CCDC63: variants seen among roughly 807,000 people sequenced by gnomAD.
The protein encoded by CCDC63 is coiled-coil domain-containing protein 63.
A neutral mutation model predicts 63.6 loss-of-function variants in CCDC63; 54 were observed. The observed-to-expected ratio is 0.85, with a 90% CI of 0.68 to 1.07. The LOEUF is 1.07. Ranked by LOEUF, CCDC63 falls within the 50% of genes least tolerant of loss-of-function variation. CCDC63 has a pLI of 0.00. For missense variants in CCDC63, 637 were observed against 689.6 expected (o/e 0.92, Z 0.86); for synonymous variants, 253 against 266.1 (o/e 0.95, Z 0.48).
intron 4 of CCDC63, among the ~76,000 whole-genome samples, chr12:110,868,731 GAGGGA>G (rs1566123160): frequency 7.1e-5 from 8 of 113,392 alleles, no homozygotes; most frequent in African/African-American, 1.4e-4. Context: ...GAGGGAGAGG[GAGGGA>G]GAGGGAGAGG....
rs939730258 is a variant in CCDC63, at chr12:110,881,298, T to C, written c.853+2T>C. ...AGGAGCAGGCCAAAAGGGAGGAAGG[T>C]ACACCCTCCAGGAGCAAGCTTGTGC... On this transcript the variant is annotated splice_donor_variant, in intron 7 of 11. Transcript: ENST00000308208. LOFTEE classifies it high-confidence loss of function. The C allele has an allele frequency of 3.7e-6, 6 of 1,612,618 alleles. No homozygotes were observed. Among genetic ancestry groups the C allele is most frequent in the Non-Finnish European group, 5.1e-6 (6 of 1,179,364 alleles).
At chr12:110,863,550 T>C (rs1460685692) in intron 4 of CCDC63, among the ~76,000 whole-genome samples, 1 of 151,916 alleles carries the variant, frequency 6.6e-6, no homozygotes, top group African/African-American at 2.4e-5. Flanking sequence ...GATTTTTTTT[T>C]TTTTTTTTGA....
At position 110,889,717 on chromosome 12, in the gene CCDC63, C is replaced by T. The variant is rs1044379128; in HGVS notation, c.1075-3359C>T. ...TCTCCGAGCAGGGGAGCGGTGCCAT[C>T]GACTCAGGTTATTGATGCAATTTGC... On this transcript the variant is annotated intron_variant, in intron 8 of 11. Coordinates refer to ENST00000308208, the MANE Select transcript of CCDC63 (RefSeq NM_152591.3). The surrounding 1 kb of genome is among the most constrained non-coding windows in gnomAD (Gnocchi z 4.1). Among the ~76,000 whole-genome samples, 1 of 152,084 alleles carries T rather than the reference C, an allele frequency of 6.6e-6. No individual in the cohort carries two copies. Among genetic ancestry groups the T allele is most frequent in the African/African-American group, 2.4e-5 (1 of 41,412 alleles).
At position 110,875,158 on chromosome 12, in the gene CCDC63, T is replaced by C. The variant is rs149889674; in HGVS notation, c.489+1197T>C. ...GCTGCTGAAGGACTGGGCAGTGTCT[T>C]TTTAATATCCATGCCCAGTGATTTG... On this transcript the variant is annotated intron_variant, in intron 5 of 11. Transcript: ENST00000308208. Among the ~76,000 whole-genome samples, 227 of 152,294 alleles carry C rather than the reference T, an allele frequency of 1.5e-3. 1 individual carries two copies. The highest frequency in any genetic ancestry group is 0.01 in the Middle Eastern group (3 of 294).
chr12:110,891,955 C>T (rs1313371687), intron 8 of CCDC63, among the ~76,000 whole-genome samples: 1 of 152,158 alleles, frequency 6.6e-6, no homozygotes, highest in East Asian at 1.9e-4. Flanking sequence ...AAGGTGTGAG[C>T]TTTTTTCTAT....
chr12:110,859,385 C>T (rs567833806), intron 4 of CCDC63, among the ~76,000 whole-genome samples: 248 of 152,080 alleles, frequency 1.6e-3, no homozygotes, highest in African/African-American at 5.3e-3. Context: ...TGGCTCACTG[C>T]AACCTCTGCT....
At chr12:110,859,332 A>C (rs1378874517) in intron 4 of CCDC63, among the ~76,000 whole-genome samples, 1 of 150,954 alleles carries the variant, frequency 6.6e-6, no homozygotes, top group African/African-American at 2.4e-5. Context: ...TTTTTGAAAG[A>C]GTCTTGCTCT....
intron 4 of CCDC63, among the ~76,000 whole-genome samples, chr12:110,867,486 G>A (rs1442964150): frequency 4.4e-5 from 4 of 90,680 alleles, no homozygotes; most frequent in Admixed American, 1.1e-4. Context: ...GGGCAGAGGC[G>A]CCCCTCACCT....
intron 4 of CCDC63, among the ~76,000 whole-genome samples, chr12:110,859,146 G>T (rs530841701): frequency 6.6e-6 from 1 of 152,256 alleles, no homozygotes; most frequent in South Asian, 2.1e-4. Flanking sequence ...TTGATGACAC[G>T]TAACTGTTGT....
At chr12:110,880,114 G>A in intron 6 of CCDC63, 27 bp downstream of exon 6, 1 of 1,605,796 alleles carries the variant, frequency 6.2e-7, no homozygotes, top group Admixed American at 1.7e-5. Context: ...TCCAGGGGCA[G>A]CGAGGTCTCT....
At chr12:110,852,186 G>A (rs1165535390) in intron 1 of CCDC63, among the ~76,000 whole-genome samples, 2 of 152,096 alleles carry the variant, frequency 1.3e-5, no homozygotes, top group Non-Finnish European at 2.9e-5. Context: ...TGGGAGGGTG[G>A]GGATTCCCTG....
chr12:110,849,786 A>T (rs1273234733), intron 1 of CCDC63, among the ~76,000 whole-genome samples: 1 of 152,168 alleles, frequency 6.6e-6, no homozygotes, highest in Non-Finnish European at 1.5e-5. Flanking sequence ...GGCATGAGCC[A>T]CTGCGCCCGG....
rs145065482 is a variant in CCDC63, at chr12:110,850,414, C to G, written c.-96-2445C>G. 1.2e-3 allele frequency among the ~76,000 whole-genome samples: 180 copies of G among 152,342 alleles called. 2 individuals are homozygous for G. Among genetic ancestry groups the G allele is most frequent in the African/African-American group, 4.1e-3 (171 of 41,574 alleles). ...ACTGTTGGGGAGGCAATGAACTGAT[C>G]TCTTCCAGGCTGATCTATCTCATCC... On this transcript the variant is annotated intron_variant, in intron 1 of 11. Coordinates refer to ENST00000308208, the MANE Select transcript of CCDC63 (RefSeq NM_152591.3).
upstream of CCDC63, among the ~76,000 whole-genome samples, chr12:110,846,258 C>A (rs1041872047): frequency 6.6e-6 from 1 of 152,116 alleles, no homozygotes; most frequent in Non-Finnish European, 1.5e-5. Flanking sequence ...AAACAGGTAC[C>A]CCCAATAATT....
chr12:110,871,421 G>A lies in CCDC63; in HGVS notation c.370-2421G>A, dbSNP rs1274644959. 3.3e-5 allele frequency among the ~76,000 whole-genome samples: 5 copies of A among 152,248 alleles called. No individual in the cohort carries two copies. The South Asian group carries it at 8.3e-4, about 25-fold the overall frequency. The stretch of plus-strand genomic sequence containing the variant: ...CTCCCAAAGTGCTGGGATTACAGGC[G>A]TGAGCCACTGCGCCCAGCCAGGACA... On this transcript the variant is annotated intron_variant, in intron 4 of 11. Transcript: ENST00000308208.
rs533615169 is a variant in CCDC63, at chr12:110,848,047, C to A, written c.-97+942C>A. On this transcript the variant is annotated intron_variant, in intron 1 of 11. Coordinates refer to ENST00000308208, the MANE Select transcript of CCDC63 (RefSeq NM_152591.3). ...TGACCTGGGCTGCTGGGCTTCTCTG[C>A]ACTTTTCCTCGCACACGCTGTTCCC... is the stretch of plus-strand genomic sequence containing the variant. 2.6e-5 allele frequency among the ~76,000 whole-genome samples: 4 copies of A among 152,366 alleles called. No homozygotes were observed. The East Asian group carries it at 7.7e-4, about 29-fold the overall frequency.
At chr12:110,865,475 A>G (rs1196556845) in intron 4 of CCDC63, among the ~76,000 whole-genome samples, 1 of 151,542 alleles carries the variant, frequency 6.6e-6, no homozygotes, top group Non-Finnish European at 1.5e-5. Context: ...AAAAAAAAAA[A>G]AAAAAAAGAA....
intron 5 of CCDC63, among the ~76,000 whole-genome samples, chr12:110,876,336 T>TCCCA (rs2071130055): frequency 1.3e-5 from 2 of 151,928 alleles, no homozygotes; most frequent in African/African-American, 4.8e-5. Context: ...CAAGAGGAAG[T>TCCCA]GGAGGATGCA....
At chr12:110,876,414 A>G (rs1245638178) in intron 5 of CCDC63, among the ~76,000 whole-genome samples, 1 of 152,154 alleles carries the variant, frequency 6.6e-6, no homozygotes, top group Admixed American at 6.5e-5. Flanking sequence ...GGAGACACTC[A>G]GGAACACCCA....
Sources: allele counts gnomAD v4.1 joint callset (sites outside exome capture counted in the v4.1 genomes callset), GRCh38; gene constraint gnomAD v4.1.1; non-coding constraint Gnocchi (gnomAD v3.1); transcripts MANE v1.5; gene names NCBI Gene and HGNC (gene_info 2026-07-23, HGNC 2026-07-21).